ALDH8A1: variants seen among roughly 807,000 people sequenced by gnomAD.
The protein encoded by ALDH8A1 is aldehyde dehydrogenase 8 family member A1.
Under a neutral mutation model 43.3 loss-of-function variants are expected in ALDH8A1, and 39 were observed. The ratio of observed to expected loss-of-function variants is 0.90; its 90% CI spans 0.70 to 1.18. The LOEUF is 1.18. ALDH8A1 is among the 50% of genes most tolerant of loss of function. The pLI is 0.00. For synonymous variants in ALDH8A1, 233 were observed against 243.5 expected (o/e 0.96, Z 0.40); for missense variants, 605 against 622.6 (o/e 0.97, Z 0.30).
intron 4 of ALDH8A1, among the ~76,000 whole-genome samples, chr6:134,936,435 C>T (rs932462432): frequency 1.3e-5 from 2 of 152,290 alleles, no homozygotes; most frequent in East Asian, 1.9e-4. Flanking sequence ...GTAGGTGATG[C>T]GACGAAACAA....
chr6:134,925,387 G>C (rs1195436368), intron 6 of ALDH8A1, among the ~76,000 whole-genome samples: 1 of 152,176 alleles, frequency 6.6e-6, no homozygotes, highest in Non-Finnish European at 1.5e-5. Flanking sequence ...TTGGAGAAAG[G>C]CTGGGTTTTA....
chr6:134,937,640 C>T (rs1773767992), intron 4 of ALDH8A1, among the ~76,000 whole-genome samples: 2 of 152,220 alleles, frequency 1.3e-5, no homozygotes, highest in Non-Finnish European at 2.9e-5. Context: ...TAAGGGAACA[C>T]GGCTCTGCAC....
At chr6:134,927,623 T>C (rs1206482510) in intron 6 of ALDH8A1, among the ~76,000 whole-genome samples, 2 of 152,194 alleles carry the variant, frequency 1.3e-5, no homozygotes, top group Non-Finnish European at 2.9e-5. Flanking sequence ...AAAATAGTTA[T>C]TATGGCAGCG....
intron 3 of ALDH8A1, among the ~76,000 whole-genome samples, chr6:134,941,681 C>T (rs1003645350): frequency 1.6e-4 from 24 of 152,002 alleles, no homozygotes; most frequent in Middle Eastern, 6.8e-3. Context: ...TGAGCCACCG[C>T]GCCCGGTGAA....
intron 1 of ALDH8A1, among the ~76,000 whole-genome samples, chr6:134,944,464 T>C (rs1255099171): frequency 6.6e-6 from 1 of 152,126 alleles, no homozygotes; most frequent in Non-Finnish European, 1.5e-5. Flanking sequence ...AGGGGTACCA[T>C]AGAAACAAAG....
At position 134,933,031 on chromosome 6, in the gene ALDH8A1, A is replaced by G. The variant is rs1299188343; in HGVS notation, c.594T>C (p.Gly198=). Reference sequence around the variant, plus strand: ...CAATATTGACCACACCTGGTGGAACACCTGGATAGGAAACAGTATCAGTTA... The same window carrying G: ...CAATATTGACCACACCTGGTGGAACGCCTGGATAGGAAACAGTATCAGTTA... ...WMLCKLLDKA[G]VPPGVVNIVF... is the part of the protein sequence containing the mutation. Residue 198 remains glycine (G), a splice_region_variant and synonymous_variant, in exon 5 of 7, where the codon GGT becomes GGC. Coordinates refer to ENST00000265605, the MANE Select transcript of ALDH8A1 (RefSeq NM_022568.4). 4 of 1,558,560 alleles carry G rather than the reference A, an allele frequency of 2.6e-6. No homozygotes were observed. Among genetic ancestry groups the G allele is most frequent in the Non-Finnish European group, 1.7e-6 (2 of 1,155,412 alleles).
rs372483227 is a variant in ALDH8A1, at chr6:134,918,588, C to T, written c.1291G>A (p.Val431Ile). Reference sequence around the variant, plus strand: ...TGCAGCTTCTTAGCCACCCGGTGGACGCGCCCCACATTGCTGGACCACACG... The same window carrying T: ...TGCAGCTTCTTAGCCACCCGGTGGATGCGCCCCACATTGCTGGACCACACG... ...ATVWSSNVGR[V>I]HRVAKKLQSG... is the part of the protein sequence containing the mutation. Residue 431 changes from valine (V) to isoleucine (I), a missense_variant, in exon 7 of 7, where the codon GTC becomes ATC. Physicochemically the swap from Val to Ile is conservative, Grantham distance 29. Transcript: ENST00000265605. 1.5e-5 allele frequency: 24 copies of T among 1,614,060 alleles called. No individual in the cohort carries two copies. The highest frequency in any genetic ancestry group is 1.6e-4 in the Middle Eastern group (1 of 6,084).
intron 6 of ALDH8A1, among the ~76,000 whole-genome samples, chr6:134,927,785 T>G (rs1776910755): frequency 6.6e-6 from 1 of 152,166 alleles, no homozygotes; most frequent in Non-Finnish European, 1.5e-5. Context: ...GTTCCACTCC[T>G]TCCTGTTTCC....
At chr6:134,933,922 T>A (rs1344636610) in intron 4 of ALDH8A1, among the ~76,000 whole-genome samples, 2 of 152,168 alleles carry the variant, frequency 1.3e-5, no homozygotes, top group African/African-American at 4.8e-5. Flanking sequence ...TTGGCCAGGC[T>A]GGTCTCGAAC....
In ALDH8A1 at chr6:134,932,761, C is replaced by T; in HGVS notation, c.849+15G>A. ...GGGCCATGGAGGGGAGGGAGAAGAA[C>T]CCCCGGGGACATACCTGGTTGGCAA... On this transcript the variant is annotated intron_variant, in intron 5 of 6. Transcript: ENST00000265605. The T allele has an allele frequency of 6.2e-7, 1 of 1,611,534 alleles. No individual in the cohort carries two copies. Among genetic ancestry groups the T allele is most frequent in the South Asian group, 1.1e-5 (1 of 90,616 alleles).
At chr6:134,929,457 A>G (rs2114687314) in intron 5 of ALDH8A1, among the ~76,000 whole-genome samples, 1 of 152,372 alleles carries the variant, frequency 6.6e-6, no homozygotes, top group East Asian at 1.9e-4. Context: ...ATAAAATAAA[A>G]TTAAGCAGAG....
intron 1 of ALDH8A1, among the ~76,000 whole-genome samples, chr6:134,944,821 A>G (rs1018678864): frequency 1.3e-5 from 2 of 151,872 alleles, no homozygotes; most frequent in Admixed American, 6.6e-5. Flanking sequence ...CCCAGGAGGT[A>G]GAAGCTGTAG....
At chr6:134,943,597 T>C (rs1251678502) in intron 2 of ALDH8A1, among the ~76,000 whole-genome samples, 1 of 152,236 alleles carries the variant, frequency 6.6e-6, no homozygotes, top group Non-Finnish European at 1.5e-5. Context: ...CCTCAGCTTT[T>C]GGATCCAGCC....
At chr6:134,934,238 G>C (rs2114694560) in intron 4 of ALDH8A1, among the ~76,000 whole-genome samples, 1 of 152,242 alleles carries the variant, frequency 6.6e-6, no homozygotes. Context: ...TGAGTTCCCA[G>C]CCATTATGGG....
intron 6 of ALDH8A1, among the ~76,000 whole-genome samples, chr6:134,924,625 T>C (rs1375138027): frequency 1.3e-5 from 2 of 152,226 alleles, no homozygotes; most frequent in African/African-American, 2.4e-5. Context: ...ATAAAGTCAC[T>C]TTTATTTTCT....
chr6:134,941,901 T>G (rs1383279097), intron 3 of ALDH8A1, among the ~76,000 whole-genome samples: 1 of 152,108 alleles, frequency 6.6e-6, no homozygotes, highest in Non-Finnish European at 1.5e-5. Flanking sequence ...AGCATCATTC[T>G]TTTCCCTATG....
intron 5 of ALDH8A1, 53 bp from the exon 6 acceptor site, chr6:134,929,268 G>C (rs1412359960): frequency 1.3e-6 from 2 of 1,583,922 alleles, no homozygotes; most frequent in South Asian, 2.3e-5. Context: ...TTCATGGATA[G>C]AGCACCCTGC....
At chr6:134,933,167 C>G (rs1408512984) in intron 4 of ALDH8A1, 135 bp from the exon 5 acceptor site, 23 of 1,010,454 alleles carry the variant, frequency 2.3e-5, no homozygotes, top group African/African-American at 3.3e-5. Context: ...GGTTTTACAA[C>G]ACTTGGAACT....
rs760075731 is a variant in ALDH8A1, at chr6:134,933,036, G to T, written c.593-4C>A. ...TTGACCACACCTGGTGGAACACCTGGATAGGAAACAGTATCAGTTATAGTA... is the reference window on the plus strand; with the variant it reads ...TTGACCACACCTGGTGGAACACCTGTATAGGAAACAGTATCAGTTATAGTA... On this transcript the variant is annotated splice_polypyrimidine_tract_variant and splice_region_variant and intron_variant, in intron 4 of 6. Coordinates refer to ENST00000265605, the MANE Select transcript of ALDH8A1 (RefSeq NM_022568.4). 1.3e-5 allele frequency: 20 copies of T among 1,550,994 alleles called. No homozygotes were observed. The South Asian group carries it at 2.2e-4, about 17-fold the overall frequency.
Sources: allele counts gnomAD v4.1 joint callset (sites outside exome capture counted in the v4.1 genomes callset), GRCh38; gene constraint gnomAD v4.1.1; transcripts MANE v1.5; gene names NCBI Gene and HGNC (gene_info 2026-07-23, HGNC 2026-07-21).